Variants in MYO3A observed in about 807,000 individuals in gnomAD.
The protein encoded by MYO3A is myosin-IIIa.
A neutral mutation model predicts 192.7 loss-of-function variants in MYO3A; 180 were observed. That is an observed-to-expected ratio of 0.93 (90% CI 0.83 to 1.06). MYO3A has a LOEUF of 1.06. MYO3A is among the 50% of genes least tolerant of loss of function. The probability of loss-of-function intolerance (pLI) is 0.00; values close to 1 mark genes in which losing one functional copy is unlikely to be tolerated. For missense variants in MYO3A, 1,896 were observed against 1,905.0 expected, an observed-to-expected ratio of 1.00 and a Z score of 0.09; for synonymous variants, 628 against 645.3, an observed-to-expected ratio of 0.97 and a Z score of 0.41.
At chr10:26,043,017 A>G (rs1843435553) in intron 10 of MYO3A, among the ~76,000 whole-genome samples, 1 of 152,192 alleles carries the variant, frequency 6.6e-6, no homozygotes, top group Non-Finnish European at 1.5e-5. Context: ...TATATGTATT[A>G]GGGGACATCC....
intron 10 of MYO3A, among the ~76,000 whole-genome samples, chr10:26,035,812 T>C (rs1439671475): frequency 6.6e-6 from 1 of 152,228 alleles, no homozygotes; most frequent in African/African-American, 2.4e-5. Flanking sequence ...CCACTTTGTA[T>C]GGTTTACTCA....
intron 6 of MYO3A, among the ~76,000 whole-genome samples, chr10:26,014,380 A>G (rs139817370): frequency 2.0e-5 from 3 of 152,240 alleles, no homozygotes; most frequent in Non-Finnish European, 1.5e-5. Context: ...TTTAAACTTC[A>G]TATAACTTTC....
intron 15 of MYO3A, among the ~76,000 whole-genome samples, chr10:26,088,938 C>T (rs768730720): frequency 5.3e-5 from 8 of 152,024 alleles, no homozygotes; most frequent in African/African-American, 9.7e-5. Flanking sequence ...ATTCCTTTTG[C>T]GGGTTTGTAG....
chr10:26,011,957 A>G (rs1022881183), intron 6 of MYO3A, among the ~76,000 whole-genome samples: 7 of 152,228 alleles, frequency 4.6e-5, no homozygotes, highest in South Asian at 2.1e-4. Flanking sequence ...ATACAAGTCA[A>G]TAACTGTAAT....
chr10:26,008,642 G>T (rs570282329), intron 6 of MYO3A, among the ~76,000 whole-genome samples: 74 of 151,784 alleles, frequency 4.9e-4, no homozygotes, highest in African/African-American at 1.7e-3. Flanking sequence ...CACCATCACT[G>T]GCTATCAGAG....
intron 22 of MYO3A, among the ~76,000 whole-genome samples, chr10:26,146,255 A>G (rs1010519558): frequency 5.9e-5 from 9 of 152,200 alleles, no homozygotes; most frequent in Admixed American, 5.2e-4. Context: ...TGTCATAAAT[A>G]TGGGAGGACA....
intron 17 of MYO3A, among the ~76,000 whole-genome samples, chr10:26,100,416 C>T (rs1486714543): frequency 6.6e-6 from 1 of 152,164 alleles, no homozygotes; most frequent in Non-Finnish European, 1.5e-5. Context: ...CAGTTCTGCT[C>T]TTGTCTTAGT....
chr10:26,124,335 G>C (rs1839070531), intron 18 of MYO3A, among the ~76,000 whole-genome samples: 1 of 151,492 alleles, frequency 6.6e-6, no homozygotes, highest in Non-Finnish European at 1.5e-5. Context: ...TAAAATTATT[G>C]ATATATTATC....
chr10:26,123,454 G>A (rs956642748), intron 18 of MYO3A, among the ~76,000 whole-genome samples: 3 of 152,128 alleles, frequency 2.0e-5, no homozygotes, highest in Non-Finnish European at 4.4e-5. Flanking sequence ...AAAGTATTCA[G>A]CTTCACTAGG....
At chr10:26,056,227 A>C (rs191730909) in intron 10 of MYO3A, among the ~76,000 whole-genome samples, 1 of 152,182 alleles carries the variant, frequency 6.6e-6, no homozygotes, top group Non-Finnish European at 1.5e-5. Flanking sequence ...TCATTAGTAG[A>C]CTGGACTCAG....
At chr10:26,084,874 A>G (rs1036899741) in intron 14 of MYO3A, among the ~76,000 whole-genome samples, 4 of 152,248 alleles carry the variant, frequency 2.6e-5, no homozygotes, top group Non-Finnish European at 2.9e-5. Context: ...GGTGGAATTC[A>G]GCTGTGAAGC....
intron 7 of MYO3A, among the ~76,000 whole-genome samples, chr10:26,017,388 A>C (rs2027356): frequency 0.45 from 67,843 of 151,898 alleles, 16,015 homozygotes; most frequent in East Asian, 0.62. Flanking sequence ...ATAAACTGCT[A>C]AAATAGTTGA....
intron 34 of MYO3A, chr10:26,204,056 G>A (rs1305760974): frequency 6.6e-6 from 1 of 152,186 alleles, no homozygotes; most frequent in Non-Finnish European, 1.5e-5. Context: ...ATCAGTGGTG[G>A]CTATTATCAT....
At chr10:26,037,709 T>A (rs1248796744) in intron 10 of MYO3A, among the ~76,000 whole-genome samples, 1 of 152,176 alleles carries the variant, frequency 6.6e-6, no homozygotes, top group Admixed American at 6.5e-5. Context: ...GACTCACTGT[T>A]CCTCAGGCTG....
intron 15 of MYO3A, among the ~76,000 whole-genome samples, chr10:26,093,884 G>T (rs1314304652): frequency 6.6e-6 from 1 of 151,944 alleles, no homozygotes; most frequent in Non-Finnish European, 1.5e-5. Context: ...TTTTCCCATA[G>T]CCCTTTTCTT....
intron 10 of MYO3A, 98 bp from the exon 11 acceptor site, chr10:26,066,877 C>G (rs1299550793): frequency 6.5e-6 from 5 of 769,624 alleles, no homozygotes; most frequent in Non-Finnish European, 9.1e-6. Flanking sequence ...ATTTAATAAA[C>G]AGATTCCTAG....
At chr10:26,196,654 TA>T (rs1402750068) in intron 32 of MYO3A, among the ~76,000 whole-genome samples, 1 of 152,246 alleles carries the variant, frequency 6.6e-6, no homozygotes, top group Non-Finnish European at 1.5e-5. Flanking sequence ...CCAGTCCCTT[TA>T]ACCACCAAAC....
Position 26,170,476 on chromosome 10 carries a change from C to T in MYO3A, c.3335C>T (p.Ala1112Val). ...RKEIVDMKNT[A>V]VTTIQTSDQE... Reference sequence around the variant, plus strand: ...GAAATTGTTGACATGAAAAACACAGCAGTAACAACCATTCAAACTTCTGAT... The same window carrying T: ...GAAATTGTTGACATGAAAAACACAGTAGTAACAACCATTCAAACTTCTGAT... Residue 1112 changes from alanine to valine, a missense_variant, in exon 29 of 35, where the codon GCA (alanine) becomes GTA (valine). Physicochemically the swap from Ala to Val is moderately conservative, Grantham distance 64 (BLOSUM62 0). Transcript: ENST00000642920. The T allele has an allele frequency of 6.2e-7, 1 of 1,613,346 alleles. No individual in the cohort carries two copies. The highest frequency in any genetic ancestry group is 8.5e-7 in the Non-Finnish European group (1 of 1,179,564).
intron 20 of MYO3A, among the ~76,000 whole-genome samples, chr10:26,131,977 T>C (rs550475109): frequency 6.6e-6 from 1 of 152,336 alleles, no homozygotes; most frequent in Non-Finnish European, 1.5e-5. Flanking sequence ...ACAAATATAG[T>C]ATTCATATTT....
Sources: gnomAD v4.1 joint callset for allele counts (sites outside exome capture counted in the v4.1 genomes callset) on GRCh38, gnomAD v4.1.1 for gene constraint, MANE v1.5 for transcripts, NCBI Gene and HGNC (gene_info 2026-07-23, HGNC 2026-07-21) for gene names.